ITGA4: variants seen among roughly 807,000 people sequenced by gnomAD.
The protein encoded by ITGA4 is integrin alpha-4.
In ITGA4, 63 loss-of-function variants were observed where a neutral mutation model predicts 133.6. The ratio of observed to expected loss-of-function variants is 0.47; its 90% CI spans 0.38 to 0.58. ITGA4 has a LOEUF of 0.58. Among genes scored for constraint, ITGA4 ranks in the 20% least tolerant of loss-of-function variants. The pLI, the probability that ITGA4 is intolerant of heterozygous loss-of-function variation, is 0.00. For missense variants in ITGA4, 1,076 were observed against 1,252.7 expected (o/e 0.86, Z 2.13); for synonymous variants, 483 against 438.0 (o/e 1.10, Z -1.28).
At chr2:181,474,242 A>C (rs79155192) in intron 2 of ITGA4, among the ~76,000 whole-genome samples, 8 of 152,256 alleles carry the variant, frequency 5.3e-5, no homozygotes, top group African/African-American at 1.9e-4. Context: ...ACCACTTCTT[A>C]TATAGTATAG....
In ITGA4 at chr2:181,530,644, C is replaced by T. The variant is rs1380739356; in HGVS notation, c.2659C>T (p.Leu887=). The T allele has an allele frequency of 6.2e-6, 10 of 1,609,170 alleles. No individual in the cohort carries two copies. Among genetic ancestry groups the T allele is most frequent in the Non-Finnish European group, 7.6e-6 (9 of 1,177,340 alleles). The change falls in exon 24 of 28, where the codon CTA becomes TTA. Residue 887 remains leucine, a synonymous_variant. Coordinates refer to ENST00000397033, the MANE Select transcript of ITGA4 (RefSeq NM_000885.6). ...GTTCTTGTCCAAGACTGATAAGAGG[C>T]TATTGGTAAGTTTCAGTTTTTCAGG... ...VRFLSKTDKR[L]LYCIKADPHC...
At chr2:181,515,560 T>C (rs1240197342) in intron 17 of ITGA4, among the ~76,000 whole-genome samples, 1 of 152,098 alleles carries the variant, frequency 6.6e-6, no homozygotes, top group African/African-American at 2.4e-5. Context: ...CTTACAAGGT[T>C]TGAAGTGGCA....
chr2:181,519,703 T>C (rs1175869139), intron 17 of ITGA4, among the ~76,000 whole-genome samples: 1 of 152,134 alleles, frequency 6.6e-6, no homozygotes, highest in Admixed American at 6.6e-5. Context: ...AACATTAGGT[T>C]GTCTGGATGG....
Position 181,537,834 on chromosome 2 carries a change from C to T in ITGA4, c.*2307C>T. 1 of 486,384 alleles carries T rather than the reference C, an allele frequency of 2.1e-6. No individual in the cohort carries two copies. The highest frequency in any genetic ancestry group is 4.0e-6 in the Non-Finnish European group (1 of 248,452). 30.1% of individuals were successfully genotyped at this position (486,384 alleles called of 1,614,324 possible). On this transcript the variant is annotated 3_prime_UTR_variant, in exon 28 of 28. Transcript: ENST00000397033. ...CCTAGAGGCTAATTGTTAGTAACAT[C>T]AATTTCTATTAGGATATCCGTTTGG... is the stretch of plus-strand genomic sequence containing the variant.
intron 22 of ITGA4, among the ~76,000 whole-genome samples, chr2:181,528,697 C>T (rs942140122): frequency 4.6e-5 from 7 of 152,190 alleles, no homozygotes; most frequent in African/African-American, 1.7e-4. Flanking sequence ...AATTTGGAGA[C>T]ACTTTCTTCA....
chr2:181,483,047 T>G (rs1685841793), intron 9 of ITGA4, among the ~76,000 whole-genome samples: 1 of 152,218 alleles, frequency 6.6e-6, no homozygotes, highest in South Asian at 2.1e-4. Flanking sequence ...TTACTAGGAC[T>G]AGAAGATGAA....
At chr2:181,498,586 G>T in intron 14 of ITGA4, 37 bp from the exon 15 acceptor site, 1 of 1,324,624 alleles carries the variant, frequency 7.5e-7, no homozygotes, top group Non-Finnish European at 1.1e-6. Context: ...ATGTATTTCA[G>T]TAATTAGATT....
intron 6 of ITGA4, among the ~76,000 whole-genome samples, chr2:181,480,560 A>G (rs942100115): frequency 6.6e-6 from 1 of 152,086 alleles, no homozygotes; most frequent in African/African-American, 2.4e-5. Context: ...TTCTATCTCT[A>G]TGTAGTCAAC....
intron 2 of ITGA4, among the ~76,000 whole-genome samples, chr2:181,470,247 AAATC>A (rs917732173): frequency 3.3e-5 from 5 of 152,256 alleles, no homozygotes; most frequent in African/African-American, 1.2e-4. Flanking sequence ...AAAGAAAATA[AAATC>A]AATATGTCAA....
chr2:181,475,137 G>T, intron 3 of ITGA4, 22 bp from the exon 4 acceptor site: 1 of 1,613,218 alleles, frequency 6.2e-7, no homozygotes, highest in Non-Finnish European at 8.5e-7. Context: ...CACATCATTT[G>T]GTCTACTTTT....
At chr2:181,478,268 A>G (rs1229865026) in intron 4 of ITGA4, among the ~76,000 whole-genome samples, 1 of 151,980 alleles carries the variant, frequency 6.6e-6, no homozygotes, top group African/African-American at 2.4e-5. Flanking sequence ...ATAAGTCTAG[A>G]GATCTAATGT....
At chr2:181,476,730 A>G (rs535665997) in intron 4 of ITGA4, among the ~76,000 whole-genome samples, 12 of 152,300 alleles carry the variant, frequency 7.9e-5, no homozygotes, top group East Asian at 1.9e-4. Context: ...ATGCACATCA[A>G]TGTTGGATTG....
chr2:181,482,602 G>A lies in ITGA4; in HGVS notation c.992G>A (p.Ser331Asn), dbSNP rs371976429. ...SDLLVGAPMQ[S>N]TIREEGRVFV... ...CTGCTCGTGGGAGCACCCATGCAGA[G>A]CACCATCAGAGAGGAAGGAAGAGTG... The change falls in exon 9 of 28, where the codon AGC (serine) becomes AAC (asparagine). Residue 331 changes from serine (S) to asparagine (N), a missense_variant. Ser to Asn is a conservative substitution (Grantham distance 46, BLOSUM62 1). Around this residue, in one of 4 missense-constraint regions of ITGA4, gnomAD observed 436 missense variants for 590.7 expected, o/e 0.74. Transcript: ENST00000397033. The A allele has an allele frequency of 3.1e-6, 5 of 1,613,778 alleles. No homozygotes were observed. Among genetic ancestry groups the A allele is most frequent in the African/African-American group, 1.3e-5 (1 of 75,010 alleles).
chr2:181,480,316 G>A (rs201804129), intron 6 of ITGA4, 50 bp downstream of exon 6: 8 of 962,038 alleles, frequency 8.3e-6, no homozygotes, highest in Non-Finnish European at 1.2e-5. Flanking sequence ...ACAAATACTA[G>A]TACTGTAATT....
At chr2:181,522,666 C>T (rs1415656037) in intron 18 of ITGA4, among the ~76,000 whole-genome samples, 1 of 152,094 alleles carries the variant, frequency 6.6e-6, no homozygotes, top group Non-Finnish European at 1.5e-5. Flanking sequence ...TAACATTGAT[C>T]CTCCATCCTG....
Position 181,457,519 on chromosome 2 carries a change from C to T in ITGA4, c.-136C>T. The T allele has an allele frequency of 1.2e-6, 1 of 825,906 alleles. No individual in the cohort carries two copies. Among genetic ancestry groups the T allele is most frequent in the Admixed American group, 2.8e-5 (1 of 35,664 alleles). The allele number at this position is 825,906 out of a possible 1,614,324, so 51.2% of individuals were successfully genotyped here. A position where few individuals can be genotyped will look rare whatever the true frequency, so the allele number is the denominator to read the frequency against. ...CGACTTCCCCTCCTCTTCCCTCTCTCCTTCCTTTAGCCCGCTGGCGCCGGA... is the reference window on the plus strand; with the variant it reads ...CGACTTCCCCTCCTCTTCCCTCTCTTCTTCCTTTAGCCCGCTGGCGCCGGA... On this transcript the variant is annotated 5_prime_UTR_variant, in exon 1 of 28. Coordinates refer to ENST00000397033, the MANE Select transcript of ITGA4 (RefSeq NM_000885.6).
intron 9 of ITGA4, among the ~76,000 whole-genome samples, chr2:181,484,595 TC>T (rs1402283768): frequency 1.3e-5 from 2 of 152,212 alleles, no homozygotes; most frequent in African/African-American, 4.8e-5. Context: ...TGATTCCCAG[TC>T]ATCTTAGTTC....
chr2:181,503,256 G>T (rs1436580841), intron 15 of ITGA4, among the ~76,000 whole-genome samples: 1 of 151,974 alleles, frequency 6.6e-6, no homozygotes, highest in South Asian at 2.1e-4. Context: ...CGGGGAATTC[G>T]GCTGTCAAAA....
In ITGA4 at chr2:181,495,290, C is replaced by T. The variant is rs554510743; in HGVS notation, c.1340-81C>T. 113 of 976,638 alleles carry T rather than the reference C, an allele frequency of 1.2e-4. No homozygotes were observed. Among genetic ancestry groups the T allele is most frequent in the East Asian group, 4.1e-4 (17 of 41,860 alleles). 60.5% of individuals were successfully genotyped at this position (976,638 alleles called of 1,614,324 possible). On this transcript the variant is annotated intron_variant, in intron 12 of 27. Coordinates refer to ENST00000397033, the MANE Select transcript of ITGA4 (RefSeq NM_000885.6). This position sits in a 1 kb window ranked among gnomAD's most constrained non-coding sequence, Gnocchi z 4.3. ...GTGTTTTAGGTAGTCAAAGGTGATA[C>T]GTAGTTAAGTATTTATGGCTGAAAA...
Sources: allele counts gnomAD v4.1 joint callset (sites outside exome capture counted in the v4.1 genomes callset), GRCh38; gene constraint gnomAD v4.1.1; regional missense constraint gnomAD v4.1.1; non-coding constraint Gnocchi (gnomAD v3.1); transcripts MANE v1.5; gene names NCBI Gene and HGNC (gene_info 2026-07-23, HGNC 2026-07-21).